FBXW7: variants seen among roughly 807,000 people sequenced by gnomAD.
The protein encoded by FBXW7 is F-box and WD repeat domain containing 7.
Under a neutral mutation model 86.3 loss-of-function variants are expected in FBXW7, and 11 were observed. That is an observed-to-expected ratio of 0.13 (90% CI 0.08 to 0.21). The LOEUF (loss-of-function observed/expected upper bound fraction) is 0.21. Ranked by LOEUF, FBXW7 falls within the 10% of genes least tolerant of loss-of-function variation. The pLI is 1.00. For missense variants in FBXW7, 488 were observed against 847.4 expected, an observed-to-expected ratio of 0.58 and a Z score of 5.27; for synonymous variants, 313 against 297.9, an observed-to-expected ratio of 1.05 and a Z score of -0.52.
intron 11 of FBXW7, among the ~76,000 whole-genome samples, chr4:152,327,016 G>T (rs996760953): frequency 6.6e-6 from 1 of 152,014 alleles, no homozygotes; most frequent in African/African-American, 2.4e-5. Context: ...CTGAAAACCA[G>T]AGCAATATAC....
At chr4:152,416,872 G>C (rs1168745563) in intron 2 of FBXW7, among the ~76,000 whole-genome samples, 1 of 151,942 alleles carries the variant, frequency 6.6e-6, no homozygotes, top group Admixed American at 6.6e-5. Flanking sequence ...TGTGTGATAC[G>C]CCACCACCTG....
chr4:152,344,461 G>A (rs559208102), intron 6 of FBXW7, among the ~76,000 whole-genome samples: 3 of 151,570 alleles, frequency 2.0e-5, no homozygotes, highest in Admixed American at 6.6e-5. Context: ...CTAAGAACAT[G>A]TTTTCTTCAC....
chr4:152,460,647 G>A (rs919127235), intron 2 of FBXW7, among the ~76,000 whole-genome samples: 6 of 152,172 alleles, frequency 3.9e-5, no homozygotes, highest in Admixed American at 3.9e-4. Flanking sequence ...GCTAGAGGTC[G>A]CCATTGTTTC....
intron 2 of FBXW7, among the ~76,000 whole-genome samples, chr4:152,424,118 C>G (rs1325184905): frequency 6.6e-6 from 1 of 152,080 alleles, no homozygotes; most frequent in East Asian, 1.9e-4. Flanking sequence ...CCTCCTGCCT[C>G]AGCCTCCCAA....
chr4:152,382,794 C>A lies in FBXW7; in HGVS notation c.501+28509G>T, dbSNP rs543640396. Among the ~76,000 whole-genome samples the A allele has an allele frequency of 1.1e-4, 17 of 152,132 alleles. No homozygotes were observed. The East Asian group carries it at 3.1e-3, about 28-fold the overall frequency. ...TGAGTATCTATTAAGTCTTCCTTATCCAAATGTCAGCATTAATATTTTAGG... is the reference window on the plus strand; with the variant it reads ...TGAGTATCTATTAAGTCTTCCTTATACAAATGTCAGCATTAATATTTTAGG... On this transcript the variant is annotated intron_variant, in intron 4 of 13. Coordinates refer to ENST00000281708, the MANE Select transcript of FBXW7 (RefSeq NM_001349798.2).
chr4:152,465,822 C>T (rs1185003350), intron 2 of FBXW7, among the ~76,000 whole-genome samples: 2 of 142,806 alleles, frequency 1.4e-5, no homozygotes, highest in South Asian at 2.2e-4. Context: ...CCAGCCTGGG[C>T]GACAGAGTGA....
chr4:152,362,342 T>A (rs187037638), intron 4 of FBXW7, among the ~76,000 whole-genome samples: 1 of 152,188 alleles, frequency 6.6e-6, no homozygotes, highest in Non-Finnish European at 1.5e-5. Flanking sequence ...AGTCTAAATC[T>A]ACCCAAAAGA....
At chr4:152,472,231 A>C (rs190608377) in intron 2 of FBXW7, among the ~76,000 whole-genome samples, 133 of 152,326 alleles carry the variant, frequency 8.7e-4, no homozygotes, top group African/African-American at 2.9e-3. Context: ...AGTATGGGAA[A>C]CTGTTCGGAA....
chr4:152,365,338 C>G (rs911056571), intron 4 of FBXW7, among the ~76,000 whole-genome samples: 5 of 151,996 alleles, frequency 3.3e-5, no homozygotes, highest in African/African-American at 1.2e-4. Context: ...AAGATATAAT[C>G]AGATGTTATT....
intron 4 of FBXW7, among the ~76,000 whole-genome samples, chr4:152,380,216 G>A (rs553968163): frequency 1.5e-4 from 23 of 151,922 alleles, no homozygotes; most frequent in Non-Finnish European, 2.4e-4. Flanking sequence ...CATACAATAC[G>A]TCAGGTACAA....
chr4:152,363,392 A>G (rs1386428137), intron 4 of FBXW7, among the ~76,000 whole-genome samples: 2 of 152,192 alleles, frequency 1.3e-5, no homozygotes, highest in Admixed American at 1.3e-4. Flanking sequence ...AGCACTCCCA[A>G]CTCAGGAGGG....
intron 2 of FBXW7, among the ~76,000 whole-genome samples, chr4:152,436,367 A>G (rs116604667): frequency 0.014 from 2,082 of 152,344 alleles, 26 homozygotes; most frequent in Middle Eastern, 0.037. Context: ...GAGAGGTGAG[A>G]AAGCTTCAGA....
intron 7 of FBXW7, among the ~76,000 whole-genome samples, chr4:152,334,790 CTT>C (rs925768116): frequency 2.6e-5 from 4 of 152,202 alleles, no homozygotes; most frequent in Non-Finnish European, 5.9e-5. Context: ...TACTGGCACA[CTT>C]TCCTTAAAAG....
At chr4:152,469,484 C>G (rs142528673) in intron 2 of FBXW7, among the ~76,000 whole-genome samples, 1 of 152,130 alleles carries the variant, frequency 6.6e-6, no homozygotes, top group Non-Finnish European at 1.5e-5. Context: ...AAAGAATAAT[C>G]TAAACAGGAA....
intron 2 of FBXW7, among the ~76,000 whole-genome samples, chr4:152,459,053 C>T (rs1450138076): frequency 6.6e-6 from 1 of 152,152 alleles, no homozygotes; most frequent in African/African-American, 2.4e-5. Context: ...TGTATATTCA[C>T]TCCAAGATGC....
intron 4 of FBXW7, among the ~76,000 whole-genome samples, chr4:152,383,285 T>C (rs553637411): frequency 1.3e-5 from 2 of 152,088 alleles, no homozygotes; most frequent in South Asian, 2.1e-4. Flanking sequence ...TATGGTCAGA[T>C]AAATCTTCCT....
intron 2 of FBXW7, among the ~76,000 whole-genome samples, chr4:152,450,992 ATTAT>A (rs1335166130): frequency 7.9e-5 from 12 of 152,212 alleles, no homozygotes; most frequent in African/African-American, 2.9e-4. Flanking sequence ...ACGTATTTTC[ATTAT>A]TTATCATTTT....
intron 2 of FBXW7, among the ~76,000 whole-genome samples, chr4:152,413,638 T>G (rs1488446968): frequency 1.3e-5 from 2 of 152,132 alleles, no homozygotes; most frequent in Admixed American, 6.6e-5. Context: ...TACTGCCTTC[T>G]TTTCCAAAAC....
intron 2 of FBXW7, among the ~76,000 whole-genome samples, chr4:152,531,572 GAAAA>G (rs745845035): frequency 2.0e-5 from 2 of 102,142 alleles, no homozygotes; most frequent in African/African-American, 3.7e-5. Context: ...AGTTTAAAAG[GAAAA>G]AAAAAAAAAA....
Sources: allele counts gnomAD v4.1 joint callset (sites outside exome capture counted in the v4.1 genomes callset), GRCh38; gene constraint gnomAD v4.1.1; transcripts MANE v1.5; gene names NCBI Gene and HGNC (gene_info 2026-07-23, HGNC 2026-07-21).